The following LGSN variants were observed in gnomAD, a reference collection of about 807,000 sequenced individuals.
The protein encoded by LGSN is lengsin.
LGSN carries 21 observed loss-of-function variants against 19.5 expected under a neutral mutation model. The ratio of observed to expected loss-of-function variants is 1.07; its 90% CI spans 0.76 to 1.55. LGSN has a LOEUF of 1.55. Among genes scored for constraint, LGSN ranks in the 40% most tolerant of loss-of-function variants. The probability of loss-of-function intolerance (pLI) is 0.00; values close to 1 mark genes in which losing one functional copy is unlikely to be tolerated. For missense variants in LGSN, 673 were observed against 608.5 expected, an observed-to-expected ratio of 1.11 and a Z score of -1.12; for synonymous variants, 257 against 215.6, an observed-to-expected ratio of 1.19 and a Z score of -1.68.
chr6:63,467,778 G>A, the LGSN span, among the ~76,000 whole-genome samples: 1 of 152,126 alleles, frequency 6.6e-6, no homozygotes, highest in East Asian at 1.9e-4. Context: ...TGCAACCTCA[G>A]CCTCCCGGGT....
At chr6:63,497,619 T>C in the LGSN span, among the ~76,000 whole-genome samples, 3 of 152,014 alleles carry the variant, frequency 2.0e-5, no homozygotes, top group Admixed American at 6.6e-5. Context: ...AAAGTTGGCA[T>C]AGGAAAGGCA....
chr6:63,365,768 C>T, the LGSN span, among the ~76,000 whole-genome samples: 1 of 152,154 alleles, frequency 6.6e-6, no homozygotes, highest in Non-Finnish European at 1.5e-5. Context: ...CCCTGGGATG[C>T]AAGGCTGGTT....
At chr6:63,547,419 A>G in the LGSN span, among the ~76,000 whole-genome samples, 1 of 149,106 alleles carries the variant, frequency 6.7e-6, no homozygotes, top group Non-Finnish European at 1.5e-5. Context: ...TGAACTCCTG[A>G]CCTCAAGTGA....
At chr6:63,402,850 CT>C in the LGSN span, among the ~76,000 whole-genome samples, 1 of 151,924 alleles carries the variant, frequency 6.6e-6, no homozygotes, top group Non-Finnish European at 1.5e-5. Context: ...GCAGATTACC[CT>C]CCATAATATG....
At chr6:63,312,284 A>G (rs934993666) in intron 1 of LGSN, among the ~76,000 whole-genome samples, 1 of 151,360 alleles carries the variant, frequency 6.6e-6, no homozygotes, top group East Asian at 1.9e-4. Flanking sequence ...TCTCTTCAAC[A>G]TACTGATTCC....
chr6:63,559,424 C>T, the LGSN span, among the ~76,000 whole-genome samples: 22 of 152,080 alleles, frequency 1.4e-4, no homozygotes, highest in East Asian at 5.8e-4. Flanking sequence ...ATGGCTTAAA[C>T]GCAGCAAAAA....
the LGSN span, among the ~76,000 whole-genome samples, chr6:63,496,424 G>A: frequency 6.6e-6 from 1 of 152,110 alleles, no homozygotes; most frequent in Non-Finnish European, 1.5e-5. Flanking sequence ...CATGAATGAC[G>A]GAATTATAGG....
At chr6:63,450,193 C>CAAAAA in the LGSN span, among the ~76,000 whole-genome samples, 4 of 94,810 alleles carry the variant, frequency 4.2e-5, no homozygotes, top group Non-Finnish European at 5.7e-5. Flanking sequence ...CTAAAAAATG[C>CAAAAA]AAAAAAAAAA....
chr6:63,512,975 A>C, the LGSN span, among the ~76,000 whole-genome samples: 1 of 152,236 alleles, frequency 6.6e-6, no homozygotes, highest in Non-Finnish European at 1.5e-5. Flanking sequence ...TGCTTTCAGC[A>C]GCAACTGACA....
At chr6:63,434,299 A>T in the LGSN span, among the ~76,000 whole-genome samples, 1 of 151,328 alleles carries the variant, frequency 6.6e-6, no homozygotes, top group African/African-American at 2.4e-5. Context: ...AATTAGCCAG[A>T]CATGGTGGTG....
the LGSN span, chr6:63,480,342 C>A: frequency 4.7e-6 from 1 of 213,384 alleles, no homozygotes. Context: ...GCCAGCCTAG[C>A]AGGAATGAAG....
the LGSN span, among the ~76,000 whole-genome samples, chr6:63,348,610 A>G: frequency 8.7e-4 from 132 of 152,268 alleles, no homozygotes; most frequent in African/African-American, 3.2e-3. Flanking sequence ...GCACTAGTAG[A>G]TGTTGAAGAG....
At chr6:63,302,535 T>G (rs1379645409) in intron 1 of LGSN, among the ~76,000 whole-genome samples, 1 of 152,174 alleles carries the variant, frequency 6.6e-6, no homozygotes. Flanking sequence ...GTTGACCAGT[T>G]TATAAAATTG....
At chr6:63,520,411 G>A in the LGSN span, among the ~76,000 whole-genome samples, 1 of 152,232 alleles carries the variant, frequency 6.6e-6, no homozygotes, top group East Asian at 1.9e-4. Flanking sequence ...CGGATCACTT[G>A]AGGCCAGGAG....
the LGSN span, among the ~76,000 whole-genome samples, chr6:63,360,535 A>G: frequency 1.3e-5 from 2 of 152,124 alleles, no homozygotes; most frequent in Non-Finnish European, 1.5e-5. Flanking sequence ...ACTTCTCTGC[A>G]TTGGTTATTC....
At chr6:63,531,542 G>C in the LGSN span, among the ~76,000 whole-genome samples, 1 of 130,342 alleles carries the variant, frequency 7.7e-6, no homozygotes, top group Non-Finnish European at 1.6e-5. Flanking sequence ...TGTAAATGCA[G>C]TGGTGCCTGC....
the LGSN span, among the ~76,000 whole-genome samples, chr6:63,498,863 G>C: frequency 1.3e-5 from 2 of 152,034 alleles, no homozygotes. Context: ...GGTAACCAAA[G>C]AGATGTAGAA....
At chr6:63,538,574 G>T in the LGSN span, among the ~76,000 whole-genome samples, 2 of 152,126 alleles carry the variant, frequency 1.3e-5, no homozygotes, top group Admixed American at 1.3e-4. Context: ...CTTGGTCCAA[G>T]CATATAAAAT....
chr6:63,523,411 G>A, the LGSN span, among the ~76,000 whole-genome samples: 1 of 152,066 alleles, frequency 6.6e-6, no homozygotes, highest in Non-Finnish European at 1.5e-5. Flanking sequence ...GGGCATGCCT[G>A]TAGTCCCAGC....
Sources: gnomAD v4.1 joint callset for allele counts (sites outside exome capture counted in the v4.1 genomes callset) on GRCh38, gnomAD v4.1.1 for gene constraint, MANE v1.5 for transcripts, NCBI Gene and HGNC (gene_info 2026-07-23, HGNC 2026-07-21) for gene names.